Variants in FTCDNL1 observed in about 807,000 individuals in gnomAD.
FTCDNL1 encodes the protein formiminotransferase N-terminal subdomain-containing protein.
FTCDNL1 carries 11 observed loss-of-function variants against 5.9 expected under a neutral mutation model. The observed-to-expected ratio is 1.87, with a 90% CI of 1.18 to 3.10. The LOEUF (loss-of-function observed/expected upper bound fraction) is 3.10. Ranked by LOEUF, FTCDNL1 falls within the 30% of genes most tolerant of loss-of-function variation. The probability of loss-of-function intolerance (pLI) is 0.00; values close to 1 mark genes in which losing one functional copy is unlikely to be tolerated. For missense variants in FTCDNL1, 115 were observed against 65.5 expected (o/e 1.76, Z -2.61); for synonymous variants, 58 against 24.8 (o/e 2.34, Z -3.99).
chr2:199,812,813 C>G (rs1701115271), intron 4 of FTCDNL1, 89 bp from the exon 5 acceptor site: 5 of 606,860 alleles, frequency 8.2e-6, no homozygotes, highest in Admixed American at 6.1e-5. Context: ...TTGGTGTTTA[C>G]TCCTAGTTAA....
intron 3 of FTCDNL1, among the ~76,000 whole-genome samples, chr2:199,774,094 C>A (rs573344832): frequency 6.6e-6 from 1 of 152,174 alleles, no homozygotes; most frequent in Non-Finnish European, 1.5e-5. Context: ...ATCCTTGGGG[C>A]CTTTTGGTCC....
At chr2:199,666,703 T>C in the FTCDNL1 span, among the ~76,000 whole-genome samples, 1 of 151,878 alleles carries the variant, frequency 6.6e-6, no homozygotes, top group South Asian at 2.1e-4. Context: ...GATCACAAGG[T>C]CAGGAGTTCG....
At chr2:199,664,878 G>A in the FTCDNL1 span, among the ~76,000 whole-genome samples, 4 of 151,456 alleles carry the variant, frequency 2.6e-5, no homozygotes, top group African/African-American at 7.3e-5. Flanking sequence ...AAATTTACTC[G>A]CCTGCTGCCA....
downstream of FTCDNL1, among the ~76,000 whole-genome samples, chr2:199,804,542 C>T (rs1467000185): frequency 6.6e-6 from 1 of 152,146 alleles, no homozygotes; most frequent in Non-Finnish European, 1.5e-5. Context: ...CCACCCTCAC[C>T]TCAAGTCAAC....
chr2:199,746,158 CAGG>C, the FTCDNL1 span, among the ~76,000 whole-genome samples: 17 of 152,146 alleles, frequency 1.1e-4, no homozygotes, highest in African/African-American at 3.9e-4. Flanking sequence ...TATGTTAAAG[CAGG>C]AGAATTTCTC....
chr2:199,706,531 G>A, the FTCDNL1 span, among the ~76,000 whole-genome samples: 1 of 152,124 alleles, frequency 6.6e-6, no homozygotes, highest in Non-Finnish European at 1.5e-5. Context: ...TTTTATTAAT[G>A]TATAATACAA....
chr2:199,728,454 T>A, the FTCDNL1 span, among the ~76,000 whole-genome samples: 2 of 152,088 alleles, frequency 1.3e-5, no homozygotes, highest in Non-Finnish European at 2.9e-5. Flanking sequence ...TTCACTGTGT[T>A]GGTCAGGATG....
At chr2:199,718,289 C>G in the FTCDNL1 span, among the ~76,000 whole-genome samples, 1 of 152,090 alleles carries the variant, frequency 6.6e-6, no homozygotes, top group South Asian at 2.1e-4. Context: ...CCACTGTTTA[C>G]CTTCTACTAT....
chr2:199,712,656 A>G, the FTCDNL1 span, among the ~76,000 whole-genome samples: 4 of 152,188 alleles, frequency 2.6e-5, no homozygotes, highest in Non-Finnish European at 2.9e-5. Context: ...AGGGGGCAAG[A>G]GGGCCCTGCT....
the FTCDNL1 span, among the ~76,000 whole-genome samples, chr2:199,671,789 A>G: frequency 6.6e-6 from 1 of 152,148 alleles, no homozygotes; most frequent in African/African-American, 2.4e-5. Flanking sequence ...TGTCTCACCC[A>G]GAGTACCTAA....
the FTCDNL1 span, among the ~76,000 whole-genome samples, chr2:199,745,560 T>C: frequency 6.6e-6 from 1 of 152,234 alleles, no homozygotes; most frequent in African/African-American, 2.4e-5. Context: ...ATCATCTCCA[T>C]GCCAGGGAGA....
chr2:199,840,034 G>C (rs2076541460), intron 3 of FTCDNL1, among the ~76,000 whole-genome samples: 1 of 152,226 alleles, frequency 6.6e-6, no homozygotes, highest in Admixed American at 6.5e-5. Context: ...AAAGATGAAA[G>C]TCATGATGAT....
chr2:199,805,113 T>A (rs530505663), downstream of FTCDNL1, among the ~76,000 whole-genome samples: 6 of 152,194 alleles, frequency 3.9e-5, 1 homozygote, highest in South Asian at 8.3e-4. Context: ...AGCCTGGAAC[T>A]AAGAGCCACT....
intron 3 of FTCDNL1, among the ~76,000 whole-genome samples, chr2:199,782,232 G>A (rs1699402122): frequency 6.6e-6 from 1 of 152,196 alleles, no homozygotes; most frequent in Admixed American, 6.5e-5. Flanking sequence ...TTGAATTAGA[G>A]ATATGATTTC....
downstream of FTCDNL1, among the ~76,000 whole-genome samples, chr2:199,804,685 G>A (rs1700632956): frequency 6.6e-6 from 1 of 152,172 alleles, no homozygotes. Flanking sequence ...TGCGTGGGCT[G>A]TTTGTGTTAG....
In FTCDNL1 at chr2:199,814,445, C is replaced by T. The variant is rs540928460; in HGVS notation, c.398-1721G>A. ...GTAAAATGGTTATGACGTTTCCTTGCTCTGTGAGGCATTGTGAACCTCATT... is the reference window on the plus strand; with the variant it reads ...GTAAAATGGTTATGACGTTTCCTTGTTCTGTGAGGCATTGTGAACCTCATT... On this transcript the variant is annotated intron_variant, in intron 4 of 4. Coordinates refer to ENST00000420128, the MANE Select transcript of FTCDNL1 (RefSeq NM_001363886.2). Among the ~76,000 whole-genome samples, 10 of 152,340 alleles carry T rather than the reference C, an allele frequency of 6.6e-5. No homozygotes were observed. The South Asian group carries it at 1.0e-3, about 16-fold the overall frequency.
At chr2:199,691,416 G>T in the FTCDNL1 span, among the ~76,000 whole-genome samples, 1 of 152,194 alleles carries the variant, frequency 6.6e-6, no homozygotes, top group Non-Finnish European at 1.5e-5. Flanking sequence ...CAGGTAATCT[G>T]CCCGAAAGGT....
At chr2:199,764,450 T>A (rs1698415285) in intron 3 of FTCDNL1, among the ~76,000 whole-genome samples, 1 of 152,196 alleles carries the variant, frequency 6.6e-6, no homozygotes. Flanking sequence ...ATGCTGCCAC[T>A]TAGACTATCA....
At chr2:199,790,584 GATAAAAATCAA>G (rs1034972341) in intron 3 of FTCDNL1, among the ~76,000 whole-genome samples, 3 of 151,384 alleles carry the variant, frequency 2.0e-5, no homozygotes, top group East Asian at 1.9e-4. Context: ...ATAAGAAAAG[GATAAAAATCAA>G]ATAAAAATCA....
Sources: allele counts gnomAD v4.1 joint callset (sites outside exome capture counted in the v4.1 genomes callset), GRCh38; gene constraint gnomAD v4.1.1; transcripts MANE v1.5; gene names NCBI Gene and HGNC (gene_info 2026-07-23, HGNC 2026-07-21).